FBN3: variants seen among roughly 807,000 people sequenced by gnomAD.
FBN3 encodes the protein fibrillin-3.
In FBN3, 234 loss-of-function variants were observed where a neutral mutation model predicts 330.1. That is an observed-to-expected ratio of 0.71 (90% CI 0.64 to 0.79). The LOEUF is 0.79. Among genes scored for constraint, FBN3 ranks in the 30% least tolerant of loss-of-function variants. The pLI, the probability that FBN3 is intolerant of heterozygous loss-of-function variation, is 0.00. For synonymous variants in FBN3, 1,458 were observed against 1,517.3 expected, an observed-to-expected ratio of 0.96 and a Z score of 0.91; for missense variants, 3,606 against 3,886.9, an observed-to-expected ratio of 0.93 and a Z score of 1.92.
At position 8,121,244 on chromosome 19, in the gene FBN3, CGGCA is replaced by C. The variant is rs756841567; in HGVS notation, c.3211+10_3211+13del. On this transcript the variant is annotated intron_variant, in intron 25 of 63. Transcript: ENST00000600128. The surrounding 1 kb of genome is among the most constrained non-coding windows in gnomAD (Gnocchi z 4.5). Reference sequence around the variant, plus strand: ...CCAGGGCGCCCACCACACCCCTGCCCGGCAGTCACCGACCCATGCAGTTCTTCAT... The same window carrying C: ...CCAGGGCGCCCACCACACCCCTGCCCGTCACCGACCCATGCAGTTCTTCAT... The C allele has an allele frequency of 6.3e-7, 1 of 1,583,216 alleles. No individual in the cohort carries two copies. The highest frequency in any genetic ancestry group is 1.2e-5 in the South Asian group (1 of 85,876).
chr19:8,090,934 C>A (rs1288049950), intron 48 of FBN3, among the ~76,000 whole-genome samples: 1 of 152,076 alleles, frequency 6.6e-6, no homozygotes, highest in African/African-American at 2.4e-5. Flanking sequence ...CCAGAAAGCC[C>A]GAGGATCCAA....
At position 8,121,449 on chromosome 19, in the gene FBN3, G is replaced by GA; in HGVS notation, c.3083-64_3083-63insT. On this transcript the variant is annotated intron_variant, in intron 24 of 63. Coordinates refer to ENST00000600128, the MANE Select transcript of FBN3 (RefSeq NM_032447.5). This position sits in a 1 kb window ranked among gnomAD's most constrained non-coding sequence, Gnocchi z 4.5. ...GGGCCGCATCATGGGGCACGAGGCA[G>GA]GGGGGTCCCTGTCCTTTGATGGAGG... 6.8e-7 allele frequency: 1 copy of GA among 1,460,658 alleles called. No homozygotes were observed. The highest frequency in any genetic ancestry group is 9.2e-7 in the Non-Finnish European group (1 of 1,091,336). The allele number at this position is 1,460,658 out of a possible 1,614,324, so 90.5% of individuals were successfully genotyped here.
intron 59 of FBN3, among the ~76,000 whole-genome samples, chr19:8,076,847 C>T (rs967848150): frequency 2.6e-5 from 4 of 152,052 alleles, no homozygotes; most frequent in East Asian, 1.9e-4. Context: ...CTGCAACCTC[C>T]GCCTCCTGGG....
At position 8,129,363 on chromosome 19, in the gene FBN3, T is replaced by C. The variant is rs529695647; in HGVS notation, c.2047A>G (p.Ile683Val). 1.2e-6 allele frequency: 2 copies of C among 1,613,968 alleles called. No individual in the cohort carries two copies. Among genetic ancestry groups the C allele is most frequent in the South Asian group, 1.1e-5 (1 of 91,032 alleles). Residue 683 changes from isoleucine (I) to valine (V), a missense_variant and splice_region_variant, in exon 17 of 64, where the codon ATC becomes GTC. By Grantham distance (29) the Ile-to-Val change is conservative. Transcript: ENST00000600128. The surrounding 1 kb of genome is among the most constrained non-coding windows in gnomAD (Gnocchi z 4.5). The stretch of plus-strand genomic sequence containing the variant: ...TCAGGATCCAGAGCACACTCGTTGA[T>C]GTCTGCGGCAGGAGGAGGGTGTGTC... ...GLGITTDGRDINECALDPEVC... is the reference protein window; with the variant it reads ...GLGITTDGRDVNECALDPEVC...
chr19:8,087,890 T>C lies in FBN3; in HGVS notation c.6554A>G (p.Glu2185Gly), dbSNP rs1284981049. The change falls in exon 53 of 64, where the codon GAG becomes GGG. Residue 2185 changes from glutamate (E) to glycine (G), a missense_variant. Transcript: ENST00000600128. ...TGGACAGGTGCACAGGTAGGAGCCC[T>C]CGGTATTGTGGCAGCGGAAGGCACA... ...LLCAFRCHNT[E>G]GSYLCTCPAG... The C allele has an allele frequency of 6.2e-7, 1 of 1,613,890 alleles. No homozygotes were observed. The highest frequency in any genetic ancestry group is 1.3e-5 in the African/African-American group (1 of 74,848).
At position 8,080,998 on chromosome 19, in the gene FBN3, C is replaced by T. The variant is rs370604123; in HGVS notation, c.7453+5G>A. On this transcript the variant is annotated splice_donor_5th_base_variant and intron_variant, in intron 59 of 63. Transcript: ENST00000600128. ...ACCTCCCGGTGAGGGGCAAGGGTCA[C>T]TCACCGAAGCAGGCCTGGTGGTGCT... 1.2e-6 allele frequency: 2 copies of T among 1,600,852 alleles called. No homozygotes were observed. Among genetic ancestry groups the T allele is most frequent in the African/African-American group, 2.7e-5 (2 of 74,644 alleles).
chr19:8,132,350 T>C (rs2083168089), intron 14 of FBN3, among the ~76,000 whole-genome samples: 1 of 149,916 alleles, frequency 6.7e-6, no homozygotes, highest in Admixed American at 6.7e-5. Flanking sequence ...GCCCAGCTAA[T>C]TTTTTTTTTA....
In FBN3 at chr19:8,091,324, C is replaced by T. The variant is rs8112982; in HGVS notation, c.6031+141G>A. On this transcript the variant is annotated intron_variant, in intron 48 of 63. Transcript: ENST00000600128. ...CAAGAGGTTGCTGGCACTAGGATAACTCTGCTAATGCAAACAGACACCTCT... is the reference window on the plus strand; with the variant it reads ...CAAGAGGTTGCTGGCACTAGGATAATTCTGCTAATGCAAACAGACACCTCT... The T allele has an allele frequency of 0.015, 17,471 of 1,149,846 alleles. 1,446 individuals are homozygous for T. In the African/African-American group the frequency reaches 0.2, roughly 13 times the overall value. The allele number at this position is 1,149,846 out of a possible 1,614,324, so 71.2% of individuals were successfully genotyped here.
chr19:8,136,656 C>A, intron 10 of FBN3, 125 bp from the exon 11 acceptor site: 1 of 1,276,478 alleles, frequency 7.8e-7, no homozygotes, highest in East Asian at 2.4e-5. Context: ...GGCTCAGATC[C>A]TGCCCTCTTT....
At chr19:8,090,938 G>T (rs1000502179) in intron 48 of FBN3, among the ~76,000 whole-genome samples, 12 of 152,122 alleles carry the variant, frequency 7.9e-5, no homozygotes, top group African/African-American at 2.7e-4. Flanking sequence ...AAAGCCCGAG[G>T]ATCCAAACCC....
Position 8,126,247 on chromosome 19 carries a change from G to T in FBN3, c.2605+50C>A, listed in dbSNP as rs75141396. On this transcript the variant is annotated intron_variant, in intron 21 of 63. Transcript: ENST00000600128. ...ACCCATGAGGGTGGTGCGCCTGGTT[G>T]TGTGCGGGCTCTGGAGTAGGGGGTG... 7.8e-4 allele frequency: 1,214 copies of T among 1,557,110 alleles called. 12 individuals carry two copies. In the East Asian group the frequency reaches 0.021, roughly 27 times the overall value.
intron 41 of FBN3, among the ~76,000 whole-genome samples, chr19:8,098,759 G>A (rs1003853374): frequency 6.6e-6 from 1 of 152,142 alleles, no homozygotes; most frequent in Non-Finnish European, 1.5e-5. Context: ...TGTGTGGTAT[G>A]TGAATTATCT....
At chr19:8,127,702 G>A (rs976428336) in intron 18 of FBN3, among the ~76,000 whole-genome samples, 2 of 152,230 alleles carry the variant, frequency 1.3e-5, no homozygotes, top group African/African-American at 4.8e-5. Context: ...GGATATCACA[G>A]GCTGGGCGCT....
chr19:8,086,458 T>G, intron 54 of FBN3, 133 bp from the exon 55 acceptor site: 1 of 282,278 alleles, frequency 3.5e-6, no homozygotes, highest in African/African-American at 2.6e-5. Flanking sequence ...TTATTATTAT[T>G]ATTATTATTA....
At position 8,136,462 on chromosome 19, in the gene FBN3, C is replaced by G; in HGVS notation, c.1271G>C (p.Cys424Ser). The stretch of plus-strand genomic sequence containing the variant: ...GCGGTAGCTGGAAGGCGTGGGCAGG[C>G]AGCGGCCATTCAGACACAGGTTGGT... The part of the protein sequence containing the change: ...HFTNLCLNGR[C>S]LPTPSSYRCE... The change falls in exon 11 of 64, where the codon TGC (cysteine) becomes TCC (serine). Residue 424 changes from cysteine to serine, a missense_variant. Cys to Ser is a moderately radical substitution (Grantham distance 112). Transcript: ENST00000600128. 2 of 1,614,196 alleles carry G rather than the reference C, an allele frequency of 1.2e-6. No homozygotes were observed. The highest frequency in any genetic ancestry group is 8.5e-7 in the Non-Finnish European group (1 of 1,180,018).
chr19:8,100,806 A>T (rs892483920), intron 41 of FBN3, 95 bp downstream of exon 41: 1 of 909,250 alleles, frequency 1.1e-6, no homozygotes. Context: ...GGAGGAGTGG[A>T]TGTAAGGAAA....
intron 36 of FBN3, 78 bp from the exon 37 acceptor site, chr19:8,108,316 G>A: frequency 8.7e-7 from 1 of 1,155,480 alleles, no homozygotes; most frequent in Non-Finnish European, 1.3e-6. Context: ...ACAGCAGGAA[G>A]CCTGAAAAGG....
intron 33 of FBN3, 44 bp downstream of exon 33, chr19:8,111,014 G>T (rs776529541): frequency 6.2e-7 from 1 of 1,613,946 alleles, no homozygotes; most frequent in East Asian, 2.2e-5. Flanking sequence ...TCTGCAGGGG[G>T]GACCTACCCA....
chr19:8,120,165 C>CTTTTTTTT (rs34799960), intron 25 of FBN3, among the ~76,000 whole-genome samples: 16 of 127,892 alleles, frequency 1.3e-4, no homozygotes, highest in East Asian at 2.2e-4. Flanking sequence ...TTCTTTCTTT[C>CTTTTTTTT]TTTTTTTTTT....
Sources: gnomAD v4.1 joint callset for allele counts (sites outside exome capture counted in the v4.1 genomes callset) on GRCh38, gnomAD v4.1.1 for gene constraint, Gnocchi (gnomAD v3.1) non-coding constraint, MANE v1.5 for transcripts, NCBI Gene and HGNC (gene_info 2026-07-23, HGNC 2026-07-21) for gene names.